The following LRRN1 variants were observed in gnomAD, a reference collection of about 807,000 sequenced individuals.
LRRN1 encodes the protein leucine rich repeat neuronal 1, also known as leucine-rich repeat neuronal protein 1.
In LRRN1, 14 loss-of-function variants were observed where a neutral mutation model predicts 45.8. That is an observed-to-expected ratio of 0.31 (90% confidence interval 0.20 to 0.48). The LOEUF (loss-of-function observed/expected upper bound fraction) is 0.48. LRRN1 is among the 20% of genes least tolerant of loss of function. The pLI is 0.99. For missense variants in LRRN1, 789 were observed against 874.2 expected, an observed-to-expected ratio of 0.90 and a Z score of 1.23; for synonymous variants, 359 against 330.1, an observed-to-expected ratio of 1.09 and a Z score of -0.95.
intron 1 of LRRN1, among the ~76,000 whole-genome samples, chr3:3,806,294 TG>T (rs1692757018): frequency 6.6e-6 from 1 of 152,166 alleles, no homozygotes; most frequent in Non-Finnish European, 1.5e-5. Flanking sequence ...CGTGCTATGA[TG>T]GTGGGAGTGC....
At chr3:3,820,094 C>G (rs968803785) in intron 1 of LRRN1, among the ~76,000 whole-genome samples, 3 of 152,062 alleles carry the variant, frequency 2.0e-5, no homozygotes, top group African/African-American at 4.8e-5. Flanking sequence ...AGATAATTTC[C>G]TGAGTTCTCA....
Position 3,846,501 on chromosome 3 carries a change from A to G in LRRN1, c.1860A>G (p.Ala620=), listed in dbSNP as rs1263953994. The G allele has an allele frequency of 1.2e-6, 2 of 1,614,210 alleles. No homozygotes were observed. Among genetic ancestry groups the G allele is most frequent in the Non-Finnish European group, 8.5e-7 (1 of 1,180,026 alleles). The change falls in exon 2 of 2, where the codon GCA becomes GCG. Residue 620 remains alanine, a synonymous_variant. Coordinates refer to ENST00000319331, the MANE Select transcript of LRRN1 (RefSeq NM_020873.7). The surrounding 1 kb of genome is among the most constrained non-coding windows in gnomAD (Gnocchi z 5.7). ...VNVTTKNAAF[A]VDISDQETST... is the part of the protein sequence containing the mutation. ...TCACAACCAAAAATGCCGCCTTCGCAGTGGACATCTCTGATCAAGAAACCA... is the reference window on the plus strand; with the variant it reads ...TCACAACCAAAAATGCCGCCTTCGCGGTGGACATCTCTGATCAAGAAACCA...
chr3:3,830,882 A>G, intron 1 of LRRN1, among the ~76,000 whole-genome samples: 1 of 152,208 alleles, frequency 6.6e-6, no homozygotes, highest in African/African-American at 2.4e-5. Flanking sequence ...GCCTAGTAAC[A>G]GGCCAAGAGC....
Position 3,845,833 on chromosome 3 carries a change from TTC to T in LRRN1, c.1194_1195del (p.Phe398LeufsTer8). 1 of 1,614,130 alleles carries T rather than the reference TTC, an allele frequency of 6.2e-7. No individual in the cohort carries two copies. The highest frequency in any genetic ancestry group is 1.1e-5 in the South Asian group (1 of 91,072). The stretch of plus-strand genomic sequence containing the variant: ...CCGCTTCATGGAGCCCCTGTCCATG[TTC>T]TGTGCCATGCCGCCCGAATATAAAG... ...NIRFMEPLSM[F>X]CAMPPEYKGH... On this transcript the variant is annotated frameshift_variant, in exon 2 of 2. Transcript: ENST00000319331. LOFTEE classifies it high-confidence loss of function. This position sits in a 1 kb window ranked among gnomAD's most constrained non-coding sequence, Gnocchi z 6.5.
Position 3,845,686 on chromosome 3 carries a change from T to C in LRRN1, c.1045T>C (p.Leu349=). The C allele has an allele frequency of 6.2e-7, 1 of 1,614,038 alleles. No homozygotes were observed. Among genetic ancestry groups the C allele is most frequent in the Non-Finnish European group, 8.5e-7 (1 of 1,180,018 alleles). ...LESLMLNNNA[L]NAIYQKTVES... ...AAGCTTGATGCTGAACAACAATGCCTTGAATGCCATTTACCAAAAGACAGT... is the reference window on the plus strand; with the variant it reads ...AAGCTTGATGCTGAACAACAATGCCCTGAATGCCATTTACCAAAAGACAGT... Residue 349 remains leucine, a synonymous_variant, in exon 2 of 2, where the codon TTG becomes CTG. Coordinates refer to ENST00000319331, the MANE Select transcript of LRRN1 (RefSeq NM_020873.7). The surrounding 1 kb of genome is among the most constrained non-coding windows in gnomAD (Gnocchi z 6.5).
intron 1 of LRRN1, among the ~76,000 whole-genome samples, chr3:3,813,720 C>T (rs1435739957): frequency 6.6e-6 from 1 of 152,096 alleles, no homozygotes; most frequent in Non-Finnish European, 1.5e-5. Context: ...ACCGAAGGAG[C>T]AAGAGGAAGA....
rs1490423038 is a variant in LRRN1 at position 3,816,956 on chromosome 3, AT to A, written c.-279+17039del. ...AGAAAGAGAATGAATAGGATGGGTG[AT>A]TGATTGATTGATTGATAAGATAGAT... On this transcript the variant is annotated intron_variant, in intron 1 of 1. Transcript: ENST00000319331. This position sits in a 1 kb window ranked among gnomAD's most constrained non-coding sequence, Gnocchi z 4.0. 2.0e-5 allele frequency among the ~76,000 whole-genome samples: 3 copies of A among 152,022 alleles called. No individual in the cohort carries two copies. Among genetic ancestry groups the A allele is most frequent in the African/African-American group, 7.2e-5 (3 of 41,416 alleles).
chr3:3,811,661 G>A (rs1692874043), intron 1 of LRRN1, among the ~76,000 whole-genome samples: 1 of 152,110 alleles, frequency 6.6e-6, no homozygotes, highest in African/African-American at 2.4e-5. Flanking sequence ...ACTCATTTGG[G>A]AATGCTTTTT....
chr3:3,845,679 C>T lies in LRRN1; in HGVS notation c.1038C>T (p.Asn346=), dbSNP rs1353627063. The change falls in exon 2 of 2, where the codon AAC becomes AAT. Residue 346 remains asparagine, a synonymous_variant. Coordinates refer to ENST00000319331, the MANE Select transcript of LRRN1 (RefSeq NM_020873.7). The surrounding 1 kb of genome is among the most constrained non-coding windows in gnomAD (Gnocchi z 6.5). ...CTCTGGAAAGCTTGATGCTGAACAA[C>T]AATGCCTTGAATGCCATTTACCAAA... ...VPALESLMLN[N]NALNAIYQKT... is the part of the protein sequence containing the mutation. The T allele has an allele frequency of 3.1e-6, 5 of 1,613,962 alleles. No homozygotes were observed. Among genetic ancestry groups the T allele is most frequent in the Non-Finnish European group, 3.4e-6 (4 of 1,180,018 alleles).
At chr3:3,827,619 T>TC (rs1420117879) in intron 1 of LRRN1, 14 of 411,362 alleles carry the variant, frequency 3.4e-5, no homozygotes, top group Admixed American at 1.9e-4. Context: ...GCCATGGATC[T>TC]ATTTGGAGCC....
At chr3:3,836,648 A>G (rs1444056898) in intron 1 of LRRN1, among the ~76,000 whole-genome samples, 4 of 152,040 alleles carry the variant, frequency 2.6e-5, no homozygotes, top group East Asian at 1.9e-4. Context: ...CTTCCCTCCT[A>G]TGCAGCTCAA....
intron 1 of LRRN1, among the ~76,000 whole-genome samples, chr3:3,822,434 C>T (rs1347312331): frequency 1.3e-5 from 2 of 152,198 alleles, no homozygotes; most frequent in African/African-American, 2.4e-5. Flanking sequence ...TTACTATTTA[C>T]ATCCTTGCAT....
At position 3,848,316 on chromosome 3, in the gene LRRN1, C is replaced by T. The variant is rs146038860; in HGVS notation, c.*1524C>T. 4.5e-3 allele frequency among the ~76,000 whole-genome samples: 685 copies of T among 152,154 alleles called. 6 individuals carry two copies. The highest frequency in any genetic ancestry group is 0.016 in the African/African-American group (657 of 41,510). ...TAGAGGAAACATGTAACATTTAGAG[C>T]AGATGGAACTAGGTTTAGGTAGAAG... is the stretch of plus-strand genomic sequence containing the variant. On this transcript the variant is annotated 3_prime_UTR_variant, in exon 2 of 2. Transcript: ENST00000319331.
At position 3,816,928 on chromosome 3, in the gene LRRN1, C is replaced by T. The variant is rs1458431270; in HGVS notation, c.-279+17009C>T. Among the ~76,000 whole-genome samples the T allele has an allele frequency of 6.6e-6, 1 of 151,988 alleles. No individual in the cohort carries two copies. Among genetic ancestry groups the T allele is most frequent in the Non-Finnish European group, 1.5e-5 (1 of 67,992 alleles). On this transcript the variant is annotated intron_variant, in intron 1 of 1. Coordinates refer to ENST00000319331, the MANE Select transcript of LRRN1 (RefSeq NM_020873.7). This position sits in a 1 kb window ranked among gnomAD's most constrained non-coding sequence, Gnocchi z 4.0. ...ATTACTTGAATTAGTCATGATTTGCCAGAGAAAGAGAATGAATAGGATGGG... is the reference window on the plus strand; with the variant it reads ...ATTACTTGAATTAGTCATGATTTGCTAGAGAAAGAGAATGAATAGGATGGG...
rs1693770748 is a variant in LRRN1, at chr3:3,846,132, C to T, written c.1491C>T (p.Tyr497=). Residue 497 remains tyrosine, a synonymous_variant, in exon 2 of 2, where the codon TAC becomes TAT. Transcript: ENST00000319331. The surrounding 1 kb of genome is among the most constrained non-coding windows in gnomAD (Gnocchi z 5.7). ...TACAAATTGAAGACTCAGGAAGATA[C>T]ACATGTGTTGCCCAGAATGTCCAAG... ...SNIQIEDSGR[Y]TCVAQNVQGA... 6.2e-7 allele frequency: 1 copy of T among 1,614,100 alleles called. No individual in the cohort carries two copies. Among genetic ancestry groups the T allele is most frequent in the Admixed American group, 1.7e-5 (1 of 60,014 alleles).
chr3:3,808,452 G>GTGAA (rs1007768752), intron 1 of LRRN1, among the ~76,000 whole-genome samples: 15 of 152,290 alleles, frequency 9.8e-5, no homozygotes, highest in South Asian at 2.1e-4. Context: ...TATTTGTCAA[G>GTGAA]TGAATGAATG....
At chr3:3,807,275 G>A (rs549542409) in intron 1 of LRRN1, among the ~76,000 whole-genome samples, 24 of 152,312 alleles carry the variant, frequency 1.6e-4, no homozygotes, top group Admixed American at 1.1e-3. Flanking sequence ...GTTAGAAAAC[G>A]AGATAGAAAA....
chr3:3,842,909 G>A (rs749337726), intron 1 of LRRN1, among the ~76,000 whole-genome samples: 36 of 152,054 alleles, frequency 2.4e-4, no homozygotes, highest in Non-Finnish European at 4.4e-4. Context: ...GCCAGCAGGT[G>A]AGCAGTACAT....
At chr3:3,830,404 G>A (rs1693340759) in intron 1 of LRRN1, among the ~76,000 whole-genome samples, 1 of 152,178 alleles carries the variant, frequency 6.6e-6, no homozygotes, top group South Asian at 2.1e-4. Flanking sequence ...TCCATCCAAA[G>A]TGCACAACCA....
Sources: allele counts gnomAD v4.1 joint callset (sites outside exome capture counted in the v4.1 genomes callset), GRCh38; gene constraint gnomAD v4.1.1; non-coding constraint Gnocchi (gnomAD v3.1); transcripts MANE v1.5; gene names NCBI Gene and HGNC (gene_info 2026-07-23, HGNC 2026-07-21).